CAMSAP1: variants seen among roughly 807,000 people sequenced by gnomAD.
The protein encoded by CAMSAP1 is calmodulin-regulated spectrin-associated protein 1.
A neutral mutation model predicts 143.5 loss-of-function variants in CAMSAP1; 58 were observed. The observed-to-expected ratio is 0.40, with a 90% CI of 0.33 to 0.50. The LOEUF (loss-of-function observed/expected upper bound fraction) is 0.50, where lower values mean the gene tolerates loss of function less well. Ranked by LOEUF, CAMSAP1 falls within the 20% of genes least tolerant of loss-of-function variation. The pLI is 0.45. For missense variants in CAMSAP1, 1,969 were observed against 2,115.7 expected, an observed-to-expected ratio of 0.93 and a Z score of 1.36; for synonymous variants, 945 against 859.3, an observed-to-expected ratio of 1.10 and a Z score of -1.74.
chr9:135,906,170 G>C (rs554479719), intron 1 of CAMSAP1, among the ~76,000 whole-genome samples: 1 of 152,144 alleles, frequency 6.6e-6, no homozygotes, highest in East Asian at 1.9e-4. Context: ...TTTCCAAACT[G>C]GTCAACTGAA....
chr9:135,816,017 AAC>A lies in CAMSAP1; in HGVS notation c.4272-14_4272-13del, dbSNP rs1564414733. 1 of 1,612,250 alleles carries A rather than the reference AAC, an allele frequency of 6.2e-7. No homozygotes were observed. Among genetic ancestry groups the A allele is most frequent in the East Asian group, 2.2e-5 (1 of 44,860 alleles). Reference sequence around the variant, plus strand: ...CCATCGATTCCACTCTGCAGGCAGAAACAGACAAGAGACAGGCAGGTGAAGCG... The same window carrying A: ...CCATCGATTCCACTCTGCAGGCAGAAAGACAAGAGACAGGCAGGTGAAGCG... On this transcript the variant is annotated splice_polypyrimidine_tract_variant and intron_variant, in intron 14 of 16. Transcript: ENST00000389532.
chr9:135,875,023 C>A (rs191062653), intron 3 of CAMSAP1, among the ~76,000 whole-genome samples: 1 of 152,098 alleles, frequency 6.6e-6, no homozygotes, highest in African/African-American at 2.4e-5. Context: ...TAGGTCTACA[C>A]AGAACGGAGA....
At chr9:135,883,700 A>G (rs1467948709) in intron 1 of CAMSAP1, among the ~76,000 whole-genome samples, 1 of 152,226 alleles carries the variant, frequency 6.6e-6, no homozygotes, top group Non-Finnish European at 1.5e-5. Context: ...TTTTTGGACC[A>G]GGCAGCATCA....
At position 135,821,123 on chromosome 9, in the gene CAMSAP1, G is replaced by C. The variant is rs758642865; in HGVS notation, c.3538C>G (p.Leu1180Val). 4 of 1,613,402 alleles carry C rather than the reference G, an allele frequency of 2.5e-6. No individual in the cohort carries two copies. Among genetic ancestry groups the C allele is most frequent in the African/African-American group, 2.7e-5 (2 of 74,954 alleles). The part of the protein sequence containing the change: ...RLHDESNQRT[L>V]TLSSSKDANI... ...GCATCTTTGGAAGAGGACAGAGTAA[G>C]TGTCCGCTGATTGCTTTCATCATGG... The change falls in exon 11 of 17, where the codon CTT becomes GTT. Residue 1180 changes from leucine (L) to valine (V), a missense_variant. Around this residue, in one of 4 missense-constraint regions of CAMSAP1, gnomAD observed 1,390 missense variants for 1,420.8 expected, o/e 0.98. Transcript: ENST00000389532. This position sits in a 1 kb window ranked among gnomAD's most constrained non-coding sequence, Gnocchi z 4.6.
At chr9:135,896,532 T>C (rs1026537853) in intron 1 of CAMSAP1, among the ~76,000 whole-genome samples, 1 of 152,166 alleles carries the variant, frequency 6.6e-6, no homozygotes, top group Admixed American at 6.5e-5. Context: ...ATACAACTGA[T>C]AGAACACTCC....
At chr9:135,842,185 G>A (rs962168138) in intron 7 of CAMSAP1, among the ~76,000 whole-genome samples, 3 of 152,140 alleles carry the variant, frequency 2.0e-5, no homozygotes, top group Non-Finnish European at 4.4e-5. Context: ...AACACAGCAC[G>A]AGAACTTCAT....
Position 135,818,513 on chromosome 9 carries a change from C to G in CAMSAP1, c.4063G>C (p.Glu1355Gln). ...LRRKQQQILE[E>Q]QGLGKPKSKP... is the part of the protein sequence containing the mutation. ...GACTTGGGCTTGCCGAGCCCCTGCT[C>G]CTCTAGGATCTGCTGCTGCTTCCTC... The change falls in exon 13 of 17, where the codon GAG (glutamate) becomes CAG (glutamine). Residue 1355 changes from glutamate to glutamine, a missense_variant. Glu to Gln is a conservative substitution (Grantham distance 29, BLOSUM62 2). Transcript: ENST00000389532. The surrounding 1 kb of genome is among the most constrained non-coding windows in gnomAD (Gnocchi z 7.7). 2 of 1,612,004 alleles carry G rather than the reference C, an allele frequency of 1.2e-6. No individual in the cohort carries two copies. Among genetic ancestry groups the G allele is most frequent in the Non-Finnish European group, 8.5e-7 (1 of 1,179,788 alleles).
rs1424284083 is a variant in CAMSAP1, at chr9:135,824,564, C to T, written c.1315+225G>A. 6.6e-6 allele frequency among the ~76,000 whole-genome samples: 1 copy of T among 152,132 alleles called. No homozygotes were observed. The highest frequency in any genetic ancestry group is 1.5e-5 in the Non-Finnish European group (1 of 68,028). ...CCTATAATCCCAGCTATGTGGGAGG[C>T]TGAGGCAGGAGAATTGCTTGAACCA... On this transcript the variant is annotated intron_variant, in intron 9 of 16. Transcript: ENST00000389532. This position sits in a 1 kb window ranked among gnomAD's most constrained non-coding sequence, Gnocchi z 4.1.
At chr9:135,871,500 T>G (rs891635233) in intron 3 of CAMSAP1, among the ~76,000 whole-genome samples, 1 of 152,224 alleles carries the variant, frequency 6.6e-6, no homozygotes, top group Non-Finnish European at 1.5e-5. Flanking sequence ...TAATTTGTTT[T>G]GAAAAATAGT....
chr9:135,822,606 A>T lies in CAMSAP1; in HGVS notation c.2055T>A (p.Leu685=). 6.2e-7 allele frequency: 1 copy of T among 1,612,436 alleles called. No homozygotes were observed. The highest frequency in any genetic ancestry group is 1.1e-5 in the South Asian group (1 of 91,018). The part of the protein sequence containing the change: ...AGEVCGGPLA[L]GGFDPFPQGP... ...CCTGGGGGAACGGATCGAATCCGCCAAGGGCCAGAGGCCCACCACAGACCT... is the reference window on the plus strand; with the variant it reads ...CCTGGGGGAACGGATCGAATCCGCCTAGGGCCAGAGGCCCACCACAGACCT... Residue 685 remains leucine, a synonymous_variant, in exon 11 of 17, where the codon CTT becomes CTA. Transcript: ENST00000389532. This position sits in a 1 kb window ranked among gnomAD's most constrained non-coding sequence, Gnocchi z 6.1.
At position 135,820,726 on chromosome 9, in the gene CAMSAP1, C is replaced by A; in HGVS notation, c.3822+113G>T. ...AAAGCTAAACACACACATCCCCTGG[C>A]CTCTTACAGGAGCGGCTGGCCAGCC... On this transcript the variant is annotated intron_variant, in intron 11 of 16. Transcript: ENST00000389532. The surrounding 1 kb of genome is among the most constrained non-coding windows in gnomAD (Gnocchi z 4.4). 7.3e-7 allele frequency: 1 copy of A among 1,363,152 alleles called. No individual in the cohort carries two copies. The highest frequency in any genetic ancestry group is 1.4e-5 in the African/African-American group (1 of 69,400). 84.4% of individuals were successfully genotyped at this position (1,363,152 alleles called of 1,614,324 possible). A position where few individuals can be genotyped will look rare whatever the true frequency, so the allele number is the denominator to read the frequency against.
At chr9:135,856,080 CA>C (rs1436508155) in intron 5 of CAMSAP1, among the ~76,000 whole-genome samples, 1 of 151,980 alleles carries the variant, frequency 6.6e-6, no homozygotes, top group Non-Finnish European at 1.5e-5. Context: ...AAAACAAAAA[CA>C]AAAAAGCCAA....
chr9:135,860,873 A>G (rs981921949), intron 5 of CAMSAP1, among the ~76,000 whole-genome samples: 3 of 152,186 alleles, frequency 2.0e-5, no homozygotes, highest in Non-Finnish European at 2.9e-5. Context: ...GCCCTGGCTC[A>G]TGGAAATGTC....
In CAMSAP1 at chr9:135,907,419, G is replaced by T. The variant is rs1838821146; in HGVS notation, c.-260C>A. On this transcript the variant is annotated 5_prime_UTR_variant, in exon 1 of 17. Transcript: ENST00000389532. ...AAGAGGCGGCGGCAGGAGGGCGCGG[G>T]CCGGGGGCGGGGGCGGGCGCGGGGG... Among the ~76,000 whole-genome samples the T allele has an allele frequency of 6.8e-6, 1 of 146,170 alleles. No homozygotes were observed. The highest frequency in any genetic ancestry group is 2.0e-4 in the East Asian group (1 of 5,060).
At chr9:135,886,058 AC>A (rs912428628) in intron 1 of CAMSAP1, among the ~76,000 whole-genome samples, 19 of 129,616 alleles carry the variant, frequency 1.5e-4, no homozygotes, top group African/African-American at 4.9e-4. Flanking sequence ...ATCAATACCT[AC>A]TTAAAAAAAA....
intron 5 of CAMSAP1, among the ~76,000 whole-genome samples, chr9:135,852,959 A>C (rs1304030865): frequency 6.6e-6 from 1 of 152,246 alleles, no homozygotes; most frequent in Non-Finnish European, 1.5e-5. Context: ...GCTGGAAGCC[A>C]TCCACACGTG....
Position 135,820,908 on chromosome 9 carries a change from T to A in CAMSAP1, c.3753A>T (p.Val1251=), listed in dbSNP as rs765065756. 6.8e-6 allele frequency: 11 copies of A among 1,613,736 alleles called. No individual in the cohort carries two copies. The highest frequency in any genetic ancestry group is 8.5e-6 in the Non-Finnish European group (10 of 1,179,886). The change falls in exon 11 of 17, where the codon GTA becomes GTT. Residue 1251 remains valine (V), a synonymous_variant. Transcript: ENST00000389532. The surrounding 1 kb of genome is among the most constrained non-coding windows in gnomAD (Gnocchi z 4.4). The part of the protein sequence containing the change: ...LKAPDEDGEL[V]SLDGSADLVS... ...CAAGGTCCGCCGAGCCATCGAGGCT[T>A]ACCAGCTCCCCATCCTCGTCGGGGG... is the stretch of plus-strand genomic sequence containing the variant.
chr9:135,855,076 C>T (rs1173823268), intron 5 of CAMSAP1, among the ~76,000 whole-genome samples: 1 of 152,080 alleles, frequency 6.6e-6, no homozygotes, highest in Non-Finnish European at 1.5e-5. Context: ...ACTGCAACCT[C>T]CACCTCCTGG....
chr9:135,819,023 G>A lies in CAMSAP1; in HGVS notation c.3946C>T (p.Arg1316Cys), dbSNP rs773562023. The change falls in exon 12 of 17, where the codon CGT becomes TGT. Residue 1316 changes from arginine (R) to cysteine (C), a missense_variant. By Grantham distance (180) the Arg-to-Cys change is radical. This residue lies in a region of CAMSAP1 where 1,390 missense variants were observed against 1,420.8 expected (regional missense o/e 0.98). Transcript: ENST00000389532. Reference protein sequence around the residue: ...QQLEAEVELKRDEARRKAEED... With the variant: ...QQLEAEVELKCDEARRKAEED... ...CGGGACGCTTACCGGGCTTCGTCACGCTTGAGCTCCACCTCCGCTTCCAGC... is the reference window on the plus strand; with the variant it reads ...CGGGACGCTTACCGGGCTTCGTCACACTTGAGCTCCACCTCCGCTTCCAGC... 1.9e-6 allele frequency: 3 copies of A among 1,606,410 alleles called. No homozygotes were observed. Among genetic ancestry groups the A allele is most frequent in the Admixed American group, 1.7e-5 (1 of 59,762 alleles).
Sources: allele counts gnomAD v4.1 joint callset (sites outside exome capture counted in the v4.1 genomes callset), GRCh38; gene constraint gnomAD v4.1.1; regional missense constraint gnomAD v4.1.1; non-coding constraint Gnocchi (gnomAD v3.1); transcripts MANE v1.5; gene names NCBI Gene and HGNC (gene_info 2026-07-23, HGNC 2026-07-21).